VENTX: variants seen among roughly 807,000 people sequenced by gnomAD.
VENTX encodes VENT homeobox.
Under a neutral mutation model 10.5 loss-of-function variants are expected in VENTX, and 13 were observed. That is an observed-to-expected ratio of 1.23 (90% CI 0.80 to 1.96). VENTX has a LOEUF of 1.96. VENTX is among the 30% of genes most tolerant of loss of function. VENTX has a pLI of 0.00. For synonymous variants in VENTX, 177 were observed against 150.4 expected, an observed-to-expected ratio of 1.18 and a Z score of -1.29; for missense variants, 400 against 341.8, an observed-to-expected ratio of 1.17 and a Z score of -1.34.
chr10:133,239,678 TTGAG>T lies in VENTX; in HGVS notation c.246_249del (p.Ser83ArgfsTer33). The T allele has an allele frequency of 1.9e-6, 3 of 1,610,984 alleles. No individual in the cohort carries two copies. The highest frequency in any genetic ancestry group is 2.5e-6 in the Non-Finnish European group (3 of 1,179,968). On this transcript the variant is annotated frameshift_variant, in exon 2 of 3. Coordinates refer to ENST00000325980, the MANE Select transcript of VENTX (RefSeq NM_014468.4). LOFTEE classifies it high-confidence loss of function. ...AATGCCCTTACCCTCTATGTCAGGG[TTGAG>T]TAAGGAGCCAAATACCTTGCGGGCC... is the stretch of plus-strand genomic sequence containing the variant.
intron 1 of VENTX, among the ~76,000 whole-genome samples, chr10:133,239,151 C>G (rs1167698205): frequency 1.3e-5 from 2 of 152,220 alleles, no homozygotes; most frequent in African/African-American, 4.8e-5. Flanking sequence ...TTTCCTGGGA[C>G]CCAGACCCAG....
At position 133,240,001 on chromosome 10, in the gene VENTX, C is replaced by T; in HGVS notation, c.472C>T (p.Pro158Ser). 1.2e-6 allele frequency: 2 copies of T among 1,612,336 alleles called. No homozygotes were observed. Among genetic ancestry groups the T allele is most frequent in the Non-Finnish European group, 8.5e-7 (1 of 1,179,984 alleles). Reference protein sequence around the residue: ...RQMQDPQLHSPFSGSLHAPPA... With the variant: ...RQMQDPQLHSSFSGSLHAPPA... ...AATGCAGGACCCCCAGCTGCACAGC[C>T]CCTTCTCGGGGTCTCTCCATGCGCC... Residue 158 changes from proline to serine, a missense_variant, in exon 3 of 3, where the codon CCC becomes TCC. Pro to Ser is a moderately conservative substitution (Grantham distance 74). Coordinates refer to ENST00000325980, the MANE Select transcript of VENTX (RefSeq NM_014468.4).
In VENTX at chr10:133,240,350, C is replaced by T; in HGVS notation, c.*44C>T. 1 of 1,527,300 alleles carries T rather than the reference C, an allele frequency of 6.5e-7. No homozygotes were observed. The highest frequency in any genetic ancestry group is 8.8e-7 in the Non-Finnish European group (1 of 1,137,276). The allele number at this position is 1,527,300 out of a possible 1,614,324, so 94.6% of individuals were successfully genotyped here. On this transcript the variant is annotated 3_prime_UTR_variant, in exon 3 of 3. Coordinates refer to ENST00000325980, the MANE Select transcript of VENTX (RefSeq NM_014468.4). ...CACACTCGCGGTCTTGCTGATCGCA[C>T]CTGGCTCCTACCTGGAGGACTCAGT...
At position 133,241,334 on chromosome 10, in the gene VENTX, G is replaced by A. The variant is rs1394546213; in HGVS notation, c.*1028G>A. 1 of 153,156 alleles carries A rather than the reference G, an allele frequency of 6.5e-6. No individual in the cohort carries two copies. The highest frequency in any genetic ancestry group is 2.4e-5 in the African/African-American group (1 of 41,490). The allele number at this position is 153,156 out of a possible 1,614,324, so 9.5% of individuals were successfully genotyped here. The stretch of plus-strand genomic sequence containing the variant: ...CCCGCAGGTCCCCACCCTCCAACAC[G>A]TGCTCACCTGTCCCCCTGCTCGCAG... On this transcript the variant is annotated 3_prime_UTR_variant, in exon 3 of 3. Coordinates refer to ENST00000325980, the MANE Select transcript of VENTX (RefSeq NM_014468.4).
chr10:133,239,605 T>C (rs1480480947), intron 1 of VENTX, 71 bp from the exon 2 acceptor site: 1 of 1,569,318 alleles, frequency 6.4e-7, no homozygotes, highest in Non-Finnish European at 8.7e-7. Flanking sequence ...TGTCTTCACC[T>C]GTTACCCGTG....
rs1425548070 is a variant in VENTX, at chr10:133,240,192, C to T, written c.663C>T (p.Cys221=). 13 of 1,609,692 alleles carry T rather than the reference C, an allele frequency of 8.1e-6. No homozygotes were observed. Among genetic ancestry groups the T allele is most frequent in the East Asian group, 4.5e-5 (2 of 44,864 alleles). The change falls in exon 3 of 3, where the codon TGC becomes TGT. Residue 221 remains cysteine (C), a synonymous_variant. Coordinates refer to ENST00000325980, the MANE Select transcript of VENTX (RefSeq NM_014468.4). ...TGGCATCTGCGGGAGCTTCCTGCTG[C>T]GGGCAGCCTCTGGCGTCCCACCCCC... The part of the protein sequence containing the change: ...EALASAGASC[C]GQPLASHPPT...
chr10:133,238,335 GA>G (rs1400806628), intron 1 of VENTX, among the ~76,000 whole-genome samples, 180 bp downstream of exon 1: 1 of 152,194 alleles, frequency 6.6e-6, no homozygotes, highest in Non-Finnish European at 1.5e-5. Flanking sequence ...GCTTCCCTCG[GA>G]ACCAAAGCCT....
chr10:133,238,684 C>T (rs1178564191), intron 1 of VENTX, among the ~76,000 whole-genome samples: 1 of 152,184 alleles, frequency 6.6e-6, no homozygotes, highest in Non-Finnish European at 1.5e-5. Flanking sequence ...CTCTGAAGTT[C>T]CCTCTGTGGC....
chr10:133,240,242 G>T lies in VENTX; in HGVS notation c.713G>T (p.Gly238Val). 2 of 1,611,074 alleles carry T rather than the reference G, an allele frequency of 1.2e-6. No homozygotes were observed. Among genetic ancestry groups the T allele is most frequent in the African/African-American group, 1.3e-5 (1 of 75,010 alleles). The change falls in exon 3 of 3, where the codon GGA becomes GTA. Residue 238 changes from glycine to valine, a missense_variant. By Grantham distance (109) the Gly-to-Val change is moderately radical. Transcript: ENST00000325980. ...CCTACCCCAGGCCGGCCTTCGCTGGGACCAGCCCTGTCCACGGGGCCCCGG... is the reference window on the plus strand; with the variant it reads ...CCTACCCCAGGCCGGCCTTCGCTGGTACCAGCCCTGTCCACGGGGCCCCGG... ...HPPTPGRPSL[G>V]PALSTGPRGL...
rs747226188 is a variant in VENTX at position 133,241,699 on chromosome 10, C to T, written c.*1393C>T. 2.0e-5 allele frequency: 3 copies of T among 152,240 alleles called. No individual in the cohort carries two copies. The highest frequency in any genetic ancestry group is 4.4e-5 in the Non-Finnish European group (3 of 68,042). 9.4% of individuals were successfully genotyped at this position (152,240 alleles called of 1,614,324 possible). A position where few individuals can be genotyped will look rare whatever the true frequency, so the allele number is the denominator to read the frequency against. ...CAGCGAGTTTCACTTTCCCCTTGCT[C>T]GTTTCTCCCTTGTTGTAAGTGTTTA... On this transcript the variant is annotated 3_prime_UTR_variant, in exon 3 of 3. Coordinates refer to ENST00000325980, the MANE Select transcript of VENTX (RefSeq NM_014468.4).
Position 133,240,805 on chromosome 10 carries a change from A to G in VENTX, c.*499A>G, listed in dbSNP as rs952529550. 1 of 151,942 alleles carries G rather than the reference A, an allele frequency of 6.6e-6. No individual in the cohort carries two copies. The highest frequency in any genetic ancestry group is 1.5e-5 in the Non-Finnish European group (1 of 68,008). 9.4% of individuals were successfully genotyped at this position (151,942 alleles called of 1,614,324 possible). A position where few individuals can be genotyped will look rare whatever the true frequency, so the allele number is the denominator to read the frequency against. On this transcript the variant is annotated 3_prime_UTR_variant, in exon 3 of 3. Coordinates refer to ENST00000325980, the MANE Select transcript of VENTX (RefSeq NM_014468.4). Reference sequence around the variant, plus strand: ...TGATCCGCCCGCCTCGGCCTCCCAAAGTGCTGGGATTACAGGCATGAGCCA... The same window carrying G: ...TGATCCGCCCGCCTCGGCCTCCCAAGGTGCTGGGATTACAGGCATGAGCCA...
Position 133,241,840 on chromosome 10 carries a change from CA to C in VENTX, c.*1535del, listed in dbSNP as rs2136053037. 1 of 152,418 alleles carries C rather than the reference CA, an allele frequency of 6.6e-6. No individual in the cohort carries two copies. Among genetic ancestry groups the C allele is most frequent in the East Asian group, 1.9e-4 (1 of 5,184 alleles). 9.4% of individuals were successfully genotyped at this position (152,418 alleles called of 1,614,324 possible). A position where few individuals can be genotyped will look rare whatever the true frequency, so the allele number is the denominator to read the frequency against. ...AGGCCCTCGGAGGGCAGCAGCTGGACAGGGACTACTGGGTTTGGCCTGGACA... is the reference window on the plus strand; with the variant it reads ...AGGCCCTCGGAGGGCAGCAGCTGGACGGGACTACTGGGTTTGGCCTGGACA... On this transcript the variant is annotated 3_prime_UTR_variant, in exon 3 of 3. Coordinates refer to ENST00000325980, the MANE Select transcript of VENTX (RefSeq NM_014468.4).
rs1845928875 is a variant in VENTX at position 133,240,995 on chromosome 10, T to C, written c.*689T>C. 1 of 152,310 alleles carries C rather than the reference T, an allele frequency of 6.6e-6. No individual in the cohort carries two copies. The highest frequency in any genetic ancestry group is 1.5e-5 in the Non-Finnish European group (1 of 68,036). The allele number at this position is 152,310 out of a possible 1,614,324, so 9.4% of individuals were successfully genotyped here. ...GCGTACGATAAAAGGATCATTTGTT[T>C]TTTAAAAGGGGTTGGAAAAACTGGT... On this transcript the variant is annotated 3_prime_UTR_variant, in exon 3 of 3. Transcript: ENST00000325980.
At position 133,240,076 on chromosome 10, in the gene VENTX, C is replaced by G. The variant is rs1418689180; in HGVS notation, c.547C>G (p.Leu183Val). 6.2e-7 allele frequency: 1 copy of G among 1,611,616 alleles called. No homozygotes were observed. The highest frequency in any genetic ancestry group is 8.5e-7 in the Non-Finnish European group (1 of 1,180,016). ...TGGCCTTGCCAATGGCCTGCAGCTG[C>G]TGTGCCCTTGGGCACCCCTGTCCGG... ...SSGLANGLQL[L>V]CPWAPLSGPQ... The change falls in exon 3 of 3, where the codon CTG becomes GTG. Residue 183 changes from leucine to valine, a missense_variant. Coordinates refer to ENST00000325980, the MANE Select transcript of VENTX (RefSeq NM_014468.4).
Position 133,238,151 on chromosome 10 carries a change from G to T in VENTX, c.237G>T (p.Met79Ile). 6.3e-7 allele frequency: 1 copy of T among 1,593,172 alleles called. No homozygotes were observed. The highest frequency in any genetic ancestry group is 1.7e-5 in the Admixed American group (1 of 58,864). ...ATCTGCCTGCGCCGGAGAGGACCAT[G>T]GCCGGTAGGTCCGGGTGGGGGGGGT... ...SSNLPAPERT[M>I]AGLSKEPNTL... Residue 79 changes from methionine (M) to isoleucine (I), a missense_variant, in exon 1 of 3, where the codon ATG becomes ATT. Transcript: ENST00000325980.
At position 133,237,887 on chromosome 10, in the gene VENTX, G is replaced by T. The variant is rs1218295718; in HGVS notation, c.-28G>T. The T allele has an allele frequency of 3.2e-6, 5 of 1,557,548 alleles. No homozygotes were observed. The highest frequency in any genetic ancestry group is 1.4e-5 in the African/African-American group (1 of 73,560). Reference sequence around the variant, plus strand: ...ATCCTGCGCCTGGCCAGCCCCGCCTGGCCTTCCCTCCGGCCCACCTGGCCG... The same window carrying T: ...ATCCTGCGCCTGGCCAGCCCCGCCTTGCCTTCCCTCCGGCCCACCTGGCCG... On this transcript the variant is annotated 5_prime_UTR_variant, in exon 1 of 3. Coordinates refer to ENST00000325980, the MANE Select transcript of VENTX (RefSeq NM_014468.4).
Position 133,240,027 on chromosome 10 carries a change from C to G in VENTX, c.498C>G (p.Pro166=). The part of the protein sequence containing the change: ...HSPFSGSLHA[P]PAFYSTSSGL... ...CCTTCTCGGGGTCTCTCCATGCGCC[C>G]CCAGCTTTCTACTCAACGTCTTCTG... The change falls in exon 3 of 3, where the codon CCC becomes CCG. Residue 166 remains proline, a synonymous_variant. Coordinates refer to ENST00000325980, the MANE Select transcript of VENTX (RefSeq NM_014468.4). The G allele has an allele frequency of 6.2e-7, 1 of 1,612,094 alleles. No homozygotes were observed. Among genetic ancestry groups the G allele is most frequent in the East Asian group, 2.2e-5 (1 of 44,892 alleles).
chr10:133,239,911 C>A (rs372042465), intron 2 of VENTX, 21 bp from the exon 3 acceptor site: 1 of 1,610,118 alleles, frequency 6.2e-7, no homozygotes. Flanking sequence ...CACCCCTGTT[C>A]TGATCTTGCT....
In VENTX at chr10:133,240,213, C is replaced by T. The variant is rs764449320; in HGVS notation, c.684C>T (p.His228=). ...ASCCGQPLAS[H]PPTPGRPSLG... The stretch of plus-strand genomic sequence containing the variant: ...GCTGCGGGCAGCCTCTGGCGTCCCA[C>T]CCCCCTACCCCAGGCCGGCCTTCGC... Residue 228 remains histidine, a synonymous_variant, in exon 3 of 3, where the codon CAC becomes CAT. Coordinates refer to ENST00000325980, the MANE Select transcript of VENTX (RefSeq NM_014468.4). 7 of 1,610,334 alleles carry T rather than the reference C, an allele frequency of 4.3e-6. No individual in the cohort carries two copies. Among genetic ancestry groups the T allele is most frequent in the Non-Finnish European group, 5.9e-6 (7 of 1,179,584 alleles).
Sources: gnomAD v4.1 joint callset for allele counts (sites outside exome capture counted in the v4.1 genomes callset) on GRCh38, gnomAD v4.1.1 for gene constraint, MANE v1.5 for transcripts, NCBI Gene and HGNC (gene_info 2026-07-23, HGNC 2026-07-21) for gene names.